CHRM3: variants seen among roughly 807,000 people sequenced by gnomAD.
CHRM3 encodes muscarinic acetylcholine receptor M3.
In CHRM3, 11 loss-of-function variants were observed where a neutral mutation model predicts 41.8. The ratio of observed to expected loss-of-function variants is 0.26; its 90% confidence interval spans 0.17 to 0.44. The LOEUF (loss-of-function observed/expected upper bound fraction) is 0.44, where lower values mean the gene tolerates loss of function less well. Among genes scored for constraint, CHRM3 ranks in the 20% least tolerant of loss-of-function variants. The pLI is 1.00. For missense variants in CHRM3, 571 were observed against 745.4 expected (o/e 0.77, Z 2.72); for synonymous variants, 297 against 301.4 (o/e 0.99, Z 0.15).
intron 2 of CHRM3, among the ~76,000 whole-genome samples, chr1:239,506,397 C>A (rs1324736949): frequency 1.3e-5 from 2 of 152,174 alleles, no homozygotes; most frequent in Non-Finnish European, 2.9e-5. Context: ...AGCCAAGATA[C>A]AGCTCAGGCT....
chr1:239,476,889 G>T (rs1666505567), intron 1 of CHRM3, among the ~76,000 whole-genome samples: 1 of 152,110 alleles, frequency 6.6e-6, no homozygotes, highest in African/African-American at 2.4e-5. Flanking sequence ...ACACTTCAGA[G>T]TAATCCAAAA....
At chr1:239,823,335 ACC>A (rs1010476257) in intron 5 of CHRM3, among the ~76,000 whole-genome samples, 6 of 152,266 alleles carry the variant, frequency 3.9e-5, no homozygotes, top group Non-Finnish European at 5.9e-5. Context: ...ACCTCCAGGT[ACC>A]ATCTAGTGAA....
chr1:239,696,701 C>T (rs1660227941), intron 5 of CHRM3, among the ~76,000 whole-genome samples: 1 of 152,162 alleles, frequency 6.6e-6, no homozygotes, highest in Non-Finnish European at 1.5e-5. Context: ...TTTGTGCAGA[C>T]TCAGAGTAAT....
intron 4 of CHRM3, among the ~76,000 whole-genome samples, chr1:239,652,665 G>T (rs1219768887): frequency 6.6e-6 from 1 of 151,822 alleles, no homozygotes; most frequent in Non-Finnish European, 1.5e-5. Flanking sequence ...TTAACTGCAG[G>T]CACGGACTTG....
At position 239,677,433 on chromosome 1, in the gene CHRM3, G is replaced by A. The variant is rs900503211; in HGVS notation, c.-249-753G>A. Among the ~76,000 whole-genome samples, 3 of 152,152 alleles carry A rather than the reference G, an allele frequency of 2.0e-5. No individual in the cohort carries two copies. The South Asian group carries it at 6.2e-4, about 32-fold the overall frequency. On this transcript the variant is annotated intron_variant, in intron 4 of 6. Transcript: ENST00000676153. ...CTCATACCTAGTTGCGTCTTTTTTT[G>A]TGCTGCTATAACAAAATACCACAGA... is the stretch of plus-strand genomic sequence containing the variant.
intron 6 of CHRM3, among the ~76,000 whole-genome samples, chr1:239,834,039 G>A (rs543461591): frequency 4.9e-4 from 75 of 151,886 alleles, no homozygotes; most frequent in African/African-American, 1.6e-3. Context: ...TCCAATCCCC[G>A]GGAAAAGACC....
chr1:239,495,860 C>T lies in CHRM3; in HGVS notation c.-422+3053C>T, dbSNP rs113159225. 3.6e-3 allele frequency among the ~76,000 whole-genome samples: 543 copies of T among 152,114 alleles called. 5 individuals carry two copies. The highest frequency in any genetic ancestry group is 4.0e-3 in the African/African-American group (167 of 41,548). On this transcript the variant is annotated intron_variant, in intron 2 of 6. Transcript: ENST00000676153. Reference sequence around the variant, plus strand: ...TTTCTTTCTTCTATTCAAAGGCAAGCGTACTCTTTTCTAGAATTCATTTCA... The same window carrying T: ...TTTCTTTCTTCTATTCAAAGGCAAGTGTACTCTTTTCTAGAATTCATTTCA...
Position 239,682,779 on chromosome 1 carries a change from T to A in CHRM3, c.-147+4491T>A, listed in dbSNP as rs558971329. On this transcript the variant is annotated intron_variant, in intron 5 of 6. Transcript: ENST00000676153. ...ACAACAAATGCTTCAAAAATATATG[T>A]TTGTTAATGTCTACTTACTGTTTAG... Among the ~76,000 whole-genome samples the A allele has an allele frequency of 5.3e-5, 8 of 152,332 alleles. No individual in the cohort carries two copies. In the East Asian group the frequency reaches 1.5e-3, roughly 29 times the overall value.
intron 1 of CHRM3, among the ~76,000 whole-genome samples, chr1:239,461,162 A>G (rs1035401425): frequency 6.6e-6 from 1 of 152,162 alleles, no homozygotes; most frequent in African/African-American, 2.4e-5. Context: ...TTTTCTGACA[A>G]ATGCTTCAAG....
chr1:239,584,145 A>G (rs1663177961), intron 3 of CHRM3, among the ~76,000 whole-genome samples: 1 of 143,738 alleles, frequency 7.0e-6, no homozygotes, highest in South Asian at 2.2e-4. Flanking sequence ...GTCTTCTGAG[A>G]CAGGCTAGAG....
At chr1:239,771,382 C>G (rs1217837767) in intron 5 of CHRM3, among the ~76,000 whole-genome samples, 1 of 152,110 alleles carries the variant, frequency 6.6e-6, no homozygotes, top group East Asian at 1.9e-4. Flanking sequence ...TTGCTCCAGA[C>G]TCCTCTCCAC....
At chr1:239,473,225 A>C (rs374787090) in intron 1 of CHRM3, among the ~76,000 whole-genome samples, 1 of 151,748 alleles carries the variant, frequency 6.6e-6, no homozygotes, top group African/African-American at 2.4e-5. Context: ...TAAGAAGAAA[A>C]TACTGATCCA....
At position 239,915,347 on chromosome 1, in the gene CHRM3, C is replaced by A. The variant is rs550590554; in HGVS notation, c.*6123C>A. On this transcript the variant is annotated 3_prime_UTR_variant, in exon 7 of 7. Coordinates refer to ENST00000676153, the MANE Select transcript of CHRM3 (RefSeq NM_001375978.1). The stretch of plus-strand genomic sequence containing the variant: ...TGTTCATTTTTAATCTTGAAAAAGT[C>A]AATCGTCTGTAGTCTGTACTATAAA... 1 of 167,136 alleles carries A rather than the reference C, an allele frequency of 6.0e-6. No individual in the cohort carries two copies. Among genetic ancestry groups the A allele is most frequent in the African/African-American group, 2.4e-5 (1 of 41,552 alleles). 10.4% of individuals were successfully genotyped at this position (167,136 alleles called of 1,614,324 possible).
At chr1:239,440,148 A>C (rs1663597393) in intron 1 of CHRM3, among the ~76,000 whole-genome samples, 1 of 151,574 alleles carries the variant, frequency 6.6e-6, no homozygotes, top group East Asian at 1.9e-4. Context: ...CAGTGAGCTG[A>C]AATAGTGCCA....
chr1:239,627,879 G>A (rs1281914327), intron 3 of CHRM3, among the ~76,000 whole-genome samples: 1 of 151,074 alleles, frequency 6.6e-6, no homozygotes, highest in Non-Finnish European at 1.5e-5. Context: ...TCCGCTGTTA[G>A]TCTGATGGGC....
chr1:239,736,553 G>C (rs1664410739), intron 5 of CHRM3, among the ~76,000 whole-genome samples: 1 of 152,064 alleles, frequency 6.6e-6, no homozygotes, highest in Non-Finnish European at 1.5e-5. Flanking sequence ...ATTTCAGGAT[G>C]TATTATCGGA....
At chr1:239,842,535 G>A (rs1290390082) in intron 6 of CHRM3, among the ~76,000 whole-genome samples, 1 of 152,050 alleles carries the variant, frequency 6.6e-6, no homozygotes, top group Non-Finnish European at 1.5e-5. Context: ...GTGCCCAGCA[G>A]CCCTTCTTTC....
intron 6 of CHRM3, among the ~76,000 whole-genome samples, chr1:239,869,833 G>A (rs1446560610): frequency 6.6e-6 from 1 of 152,112 alleles, no homozygotes; most frequent in Non-Finnish European, 1.5e-5. Flanking sequence ...AATACTTATC[G>A]ATGGAGTATT....
chr1:239,894,146 C>T (rs1215079830), intron 6 of CHRM3, among the ~76,000 whole-genome samples: 1 of 152,174 alleles, frequency 6.6e-6, no homozygotes, highest in Admixed American at 6.5e-5. Flanking sequence ...ACTAAGGAAC[C>T]ACTTTATTTT....
Sources: gnomAD v4.1 joint callset for allele counts (sites outside exome capture counted in the v4.1 genomes callset) on GRCh38, gnomAD v4.1.1 for gene constraint, MANE v1.5 for transcripts, NCBI Gene and HGNC (gene_info 2026-07-23, HGNC 2026-07-21) for gene names.